SNTG1: variants seen among roughly 807,000 people sequenced by gnomAD.
SNTG1 encodes gamma-1-syntrophin.
SNTG1 carries 39 observed loss-of-function variants against 74.7 expected under a neutral mutation model. That is an observed-to-expected ratio of 0.52 (90% CI 0.40 to 0.68). SNTG1 has a LOEUF of 0.68. Ranked by LOEUF, SNTG1 falls within the 30% of genes least tolerant of loss-of-function variation. The probability of loss-of-function intolerance (pLI) is 0.00; values close to 1 mark genes in which losing one functional copy is unlikely to be tolerated. For synonymous variants in SNTG1, 254 were observed against 217.1 expected, an observed-to-expected ratio of 1.17 and a Z score of -1.49; for missense variants, 685 against 609.5, an observed-to-expected ratio of 1.12 and a Z score of -1.30.
At chr8:49,918,899 C>T (rs1413315209) in intron 1 of SNTG1, among the ~76,000 whole-genome samples, 1 of 152,066 alleles carries the variant, frequency 6.6e-6, no homozygotes, top group Non-Finnish European at 1.5e-5. Flanking sequence ...AAATAAGCAA[C>T]TAAATAAAAA....
intron 12 of SNTG1, among the ~76,000 whole-genome samples, chr8:50,580,064 G>A (rs533445748): frequency 1.3e-5 from 2 of 152,230 alleles, no homozygotes; most frequent in Non-Finnish European, 2.9e-5. Flanking sequence ...CCACAGGGGT[G>A]GACCTGCCCA....
intron 1 of SNTG1, among the ~76,000 whole-genome samples, chr8:50,111,005 T>G (rs2080564483): frequency 1.3e-5 from 2 of 152,182 alleles, no homozygotes; most frequent in African/African-American, 2.4e-5. Context: ...TTATTTAACT[T>G]TCAACTCTAC....
intron 15 of SNTG1, among the ~76,000 whole-genome samples, chr8:50,667,182 G>A (rs1047986133): frequency 6.6e-6 from 1 of 152,056 alleles, no homozygotes; most frequent in Non-Finnish European, 1.5e-5. Context: ...AGGTTTGGGA[G>A]AGACCAAAAT....
At chr8:49,960,907 G>A (rs1394760128) in intron 1 of SNTG1, among the ~76,000 whole-genome samples, 1 of 152,028 alleles carries the variant, frequency 6.6e-6, no homozygotes, top group East Asian at 1.9e-4. Flanking sequence ...CGTGGATTAA[G>A]GAAATGTGGA....
At chr8:50,730,676 T>C (rs1349449449) in intron 17 of SNTG1, among the ~76,000 whole-genome samples, 1 of 152,156 alleles carries the variant, frequency 6.6e-6, no homozygotes, top group Non-Finnish European at 1.5e-5. Context: ...TTATGACATG[T>C]TTAAGATGAA....
In SNTG1 at chr8:50,673,473, T is replaced by A. The variant is rs948157328; in HGVS notation, c.1038+14810T>A. Reference sequence around the variant, plus strand: ...GGAGTTCATTCATGATTTGGCTCTCTGCTTGTCTATTGTTGGTGTAAAGGA... The same window carrying A: ...GGAGTTCATTCATGATTTGGCTCTCAGCTTGTCTATTGTTGGTGTAAAGGA... On this transcript the variant is annotated intron_variant, in intron 15 of 18. Transcript: ENST00000642720. Among the ~76,000 whole-genome samples the A allele has an allele frequency of 2.6e-5, 4 of 152,184 alleles. No individual in the cohort carries two copies. In the South Asian group the frequency reaches 8.3e-4, roughly 31 times the overall value.
chr8:50,624,747 T>G (rs1042957290), intron 13 of SNTG1, among the ~76,000 whole-genome samples: 9 of 152,166 alleles, frequency 5.9e-5, no homozygotes, highest in African/African-American at 1.9e-4. Context: ...CTTTCACAAC[T>G]AACTCCATTA....
chr8:50,149,263 T>C (rs890980253), intron 1 of SNTG1, among the ~76,000 whole-genome samples: 4 of 152,242 alleles, frequency 2.6e-5, no homozygotes, highest in Non-Finnish European at 5.9e-5. Flanking sequence ...GTAAATTTGT[T>C]TGAGTTCTTT....
At chr8:50,457,937 A>G (rs1032835069) in intron 8 of SNTG1, 28 of 152,246 alleles carry the variant, frequency 1.8e-4, no homozygotes, top group Non-Finnish European at 4.4e-5. Flanking sequence ...AGCCGGTTTC[A>G]CCACTCAGAG....
At chr8:50,027,302 A>T (rs973390408) in intron 1 of SNTG1, among the ~76,000 whole-genome samples, 2 of 152,084 alleles carry the variant, frequency 1.3e-5, no homozygotes, top group African/African-American at 4.8e-5. Context: ...CTGATCTCTC[A>T]TCAGCTGGTA....
intron 1 of SNTG1, among the ~76,000 whole-genome samples, chr8:49,918,373 C>T (rs1311777992): frequency 7.9e-5 from 12 of 152,120 alleles, no homozygotes; most frequent in Admixed American, 7.9e-4. Context: ...CATACACATG[C>T]AACAGCTACA....
intron 3 of SNTG1, among the ~76,000 whole-genome samples, chr8:50,398,392 T>G (rs2131333229): frequency 6.6e-6 from 1 of 152,316 alleles, no homozygotes; most frequent in South Asian, 2.1e-4. Flanking sequence ...GCACCTTCAT[T>G]TTCTTGCATC....
chr8:50,567,439 T>A (rs2094522264), intron 12 of SNTG1, among the ~76,000 whole-genome samples: 1 of 152,164 alleles, frequency 6.6e-6, no homozygotes, highest in Admixed American at 6.6e-5. Flanking sequence ...GTTGTTTATT[T>A]AGATATATTT....
intron 1 of SNTG1, among the ~76,000 whole-genome samples, chr8:50,115,693 C>G (rs933167642): frequency 4.2e-4 from 63 of 151,422 alleles, no homozygotes; most frequent in African/African-American, 1.4e-3. Context: ...TTGTCGTGCT[C>G]TGTGTGTGTG....
intron 13 of SNTG1, among the ~76,000 whole-genome samples, chr8:50,614,284 ATG>A (rs1362786152): frequency 6.6e-6 from 1 of 152,126 alleles, no homozygotes; most frequent in Non-Finnish European, 1.5e-5. Context: ...TTTTGAGAAA[ATG>A]TGAACATATT....
At chr8:50,381,824 CAT>C (rs1371662750) in intron 2 of SNTG1, 1 of 113,104 alleles carries the variant, frequency 8.8e-6, no homozygotes, top group African/African-American at 3.1e-5. Context: ...ATATATATAA[CAT>C]ATATATATAT....
chr8:50,305,037 G>T (rs985974245), intron 2 of SNTG1, among the ~76,000 whole-genome samples: 1 of 151,958 alleles, frequency 6.6e-6, no homozygotes, highest in Non-Finnish European at 1.5e-5. Context: ...CAGGTAGCTG[G>T]GATTACAGGT....
intron 2 of SNTG1, among the ~76,000 whole-genome samples, chr8:50,359,345 T>A (rs1288023451): frequency 6.6e-6 from 1 of 152,176 alleles, no homozygotes; most frequent in Non-Finnish European, 1.5e-5. Context: ...AGCATGTATT[T>A]GACATCTGAA....
At chr8:50,383,392 G>A (rs188487521) in intron 2 of SNTG1, among the ~76,000 whole-genome samples, 1 of 152,004 alleles carries the variant, frequency 6.6e-6, no homozygotes, top group Admixed American at 6.6e-5. Context: ...AGATGATAAG[G>A]GAATAAAGAA....
Sources: allele counts gnomAD v4.1 joint callset (sites outside exome capture counted in the v4.1 genomes callset), GRCh38; gene constraint gnomAD v4.1.1; transcripts MANE v1.5; gene names NCBI Gene and HGNC (gene_info 2026-07-23, HGNC 2026-07-21).